Variants in PCDH15 observed in about 807,000 individuals in gnomAD.
The protein encoded by PCDH15 is protocadherin related 15, also known as protocadherin-15.
Under a neutral mutation model 178.5 loss-of-function variants are expected in PCDH15, and 129 were observed. The ratio of observed to expected loss-of-function variants is 0.72; its 90% CI spans 0.63 to 0.84. PCDH15 has a LOEUF of 0.84. Ranked by LOEUF, PCDH15 falls within the 40% of genes least tolerant of loss-of-function variation. PCDH15 has a pLI of 0.00. For missense variants in PCDH15, 2,230 were observed against 2,099.9 expected (o/e 1.06, Z -1.21); for synonymous variants, 800 against 732.0 (o/e 1.09, Z -1.50).
intron 2 of PCDH15, among the ~76,000 whole-genome samples, chr10:55,351,571 T>C (rs1027356844): frequency 3.9e-5 from 6 of 152,170 alleles, no homozygotes; most frequent in African/African-American, 1.4e-4. Context: ...ATCCCCTTTT[T>C]GTTTCAAATT....
At chr10:55,134,267 A>T (rs1838132741) in intron 2 of PCDH15, among the ~76,000 whole-genome samples, 1 of 152,116 alleles carries the variant, frequency 6.6e-6, no homozygotes, top group Non-Finnish European at 1.5e-5. Flanking sequence ...TTCTTCCTGG[A>T]AATTCTTTCT....
At chr10:53,809,673 A>T in intron 37 of PCDH15, 1 of 909,080 alleles carries the variant, frequency 1.1e-6, no homozygotes, top group Non-Finnish European at 1.7e-6. Flanking sequence ...TAACTGGCTT[A>T]AGAAAATAAT....
intron 3 of PCDH15, among the ~76,000 whole-genome samples, chr10:54,449,904 C>T (rs576167461): frequency 6.6e-6 from 1 of 151,624 alleles, no homozygotes; most frequent in South Asian, 2.1e-4. Context: ...TACATAGAAG[C>T]TACAAAAGCA....
intron 1 of PCDH15, among the ~76,000 whole-genome samples, chr10:54,680,809 G>A (rs927704289): frequency 2.6e-5 from 4 of 152,114 alleles, no homozygotes; most frequent in Non-Finnish European, 5.9e-5. Flanking sequence ...GTGGAACTGT[G>A]AGTCAATTAA....
chr10:55,418,257 C>A (rs556655130), intron 2 of PCDH15, among the ~76,000 whole-genome samples: 1 of 151,726 alleles, frequency 6.6e-6, no homozygotes, highest in South Asian at 2.1e-4. Flanking sequence ...ATTTTTAGTG[C>A]AGAATGTAAC....
intron 2 of PCDH15, among the ~76,000 whole-genome samples, chr10:54,902,362 T>C (rs927234170): frequency 6.6e-6 from 1 of 152,108 alleles, no homozygotes; most frequent in Non-Finnish European, 1.5e-5. Flanking sequence ...TGGTGGGAGA[T>C]GATTGGATTA....
At chr10:54,521,151 A>G (rs1478494609) in intron 3 of PCDH15, among the ~76,000 whole-genome samples, 1 of 151,932 alleles carries the variant, frequency 6.6e-6, no homozygotes, top group Non-Finnish European at 1.5e-5. Context: ...AACATGGCAC[A>G]TGTATACATA....
chr10:55,424,419 G>C (rs555966252), intron 2 of PCDH15, among the ~76,000 whole-genome samples: 1 of 152,214 alleles, frequency 6.6e-6, no homozygotes, highest in Non-Finnish European at 1.5e-5. Context: ...GGCTGCTTCT[G>C]TCCTGGTCTT....
At chr10:54,255,240 T>C (rs1312617061) in intron 8 of PCDH15, among the ~76,000 whole-genome samples, 2 of 152,182 alleles carry the variant, frequency 1.3e-5, no homozygotes, top group Non-Finnish European at 2.9e-5. Context: ...CTTTTACTTG[T>C]TTCTCTCTCA....
At chr10:54,961,935 G>A (rs1838667119) in intron 2 of PCDH15, among the ~76,000 whole-genome samples, 1 of 152,160 alleles carries the variant, frequency 6.6e-6, no homozygotes. Flanking sequence ...CCCACTTTGG[G>A]TCTCCTCTAC....
At chr10:55,567,747 G>A (rs891140496) in intron 2 of PCDH15, among the ~76,000 whole-genome samples, 18 of 151,790 alleles carry the variant, frequency 1.2e-4, no homozygotes, top group African/African-American at 3.9e-4. Context: ...AGATTATTTT[G>A]TAGTTCATAA....
At chr10:55,502,323 C>T (rs1227388872) in intron 2 of PCDH15, among the ~76,000 whole-genome samples, 1 of 151,504 alleles carries the variant, frequency 6.6e-6, no homozygotes, top group Non-Finnish European at 1.5e-5. Flanking sequence ...CAGTAACAGC[C>T]CTTCTCATCC....
At chr10:54,370,702 C>T (rs1433887894) in intron 4 of PCDH15, among the ~76,000 whole-genome samples, 2 of 151,516 alleles carry the variant, frequency 1.3e-5, no homozygotes, top group African/African-American at 2.4e-5. Context: ...ATGTTAAACA[C>T]CTAAGGGATT....
At chr10:55,291,089 GTTTCTCTC>G (rs1842996022) in intron 1 of PCDH15, among the ~76,000 whole-genome samples, 1 of 152,036 alleles carries the variant, frequency 6.6e-6, no homozygotes, top group Non-Finnish European at 1.5e-5. Context: ...CTTTTCTGAT[GTTTCTCTC>G]TTTCTCTCTT....
chr10:55,042,336 A>T (rs927398146), intron 2 of PCDH15, among the ~76,000 whole-genome samples: 1 of 152,160 alleles, frequency 6.6e-6, no homozygotes, highest in Non-Finnish European at 1.5e-5. Flanking sequence ...AGAAACTATT[A>T]CATAAAATAT....
chr10:54,779,417 T>A, intron 1 of PCDH15, among the ~76,000 whole-genome samples: 1 of 129,762 alleles, frequency 7.7e-6, no homozygotes, highest in African/African-American at 2.8e-5. Context: ...TATATATATA[T>A]ATATACACAC....
intron 2 of PCDH15, among the ~76,000 whole-genome samples, chr10:54,546,267 TA>T (rs2085844775): frequency 6.6e-6 from 1 of 152,210 alleles, no homozygotes; most frequent in Non-Finnish European, 1.5e-5. Context: ...AATAAGCCAT[TA>T]AAATATATAT....
intron 31 of PCDH15, 102 bp from the exon 32 acceptor site, chr10:53,827,650 A>C: frequency 7.4e-7 from 1 of 1,359,518 alleles, no homozygotes; most frequent in Non-Finnish European, 1.0e-6. Flanking sequence ...AGGGGAACCC[A>C]CTAAAATTAT....
At chr10:55,087,917 A>T (rs940346644) in intron 2 of PCDH15, among the ~76,000 whole-genome samples, 1 of 152,142 alleles carries the variant, frequency 6.6e-6, no homozygotes. Context: ...TAGAGAATAA[A>T]AGATTTATAG....
Sources: gnomAD v4.1 joint callset for allele counts (sites outside exome capture counted in the v4.1 genomes callset) on GRCh38, gnomAD v4.1.1 for gene constraint, MANE v1.5 for transcripts, NCBI Gene and HGNC (gene_info 2026-07-23, HGNC 2026-07-21) for gene names.